Variants in MYT1L observed in about 807,000 individuals in gnomAD.
The protein encoded by MYT1L is myelin transcription factor 1-like protein.
A neutral mutation model predicts 126.7 loss-of-function variants in MYT1L; 12 were observed. The observed-to-expected ratio is 0.09, with a 90% CI of 0.06 to 0.15. The LOEUF is 0.15. MYT1L is among the 10% of genes least tolerant of loss of function. The pLI, the probability that MYT1L is intolerant of heterozygous loss-of-function variation, is 1.00. For missense variants in MYT1L, 979 were observed against 1,585.2 expected, an observed-to-expected ratio of 0.62 and a Z score of 6.49; for synonymous variants, 541 against 604.2, an observed-to-expected ratio of 0.90 and a Z score of 1.53.
chr2:1,970,298 G>A (rs1203771142), intron 8 of MYT1L, among the ~76,000 whole-genome samples: 2 of 152,136 alleles, frequency 1.3e-5, no homozygotes, highest in Non-Finnish European at 2.9e-5. Context: ...GGGTCCCAGC[G>A]ATGCTCATGA....
At chr2:2,154,033 C>T (rs1449787405) in intron 3 of MYT1L, among the ~76,000 whole-genome samples, 1 of 152,046 alleles carries the variant, frequency 6.6e-6, no homozygotes, top group Non-Finnish European at 1.5e-5. Context: ...AGGTGCTGCC[C>T]GAGGGGCTGG....
chr2:2,190,315 G>C (rs188730893), intron 2 of MYT1L, among the ~76,000 whole-genome samples: 2 of 151,954 alleles, frequency 1.3e-5, no homozygotes, highest in Admixed American at 6.6e-5. Flanking sequence ...AAATTAGCCA[G>C]GCAGTGGCAC....
chr2:1,934,202 C>G (rs1360764145), intron 9 of MYT1L, among the ~76,000 whole-genome samples: 4 of 151,042 alleles, frequency 2.6e-5, no homozygotes, highest in African/African-American at 9.7e-5. Flanking sequence ...TCTCGATCTC[C>G]TGACCTCGTG....
At chr2:1,930,385 C>T (rs1369940778) in intron 9 of MYT1L, among the ~76,000 whole-genome samples, 1 of 152,196 alleles carries the variant, frequency 6.6e-6, no homozygotes, top group Non-Finnish European at 1.5e-5. Flanking sequence ...AACTCATTTG[C>T]CTCTTTTGCT....
At chr2:2,185,195 A>G (rs1340001862) in intron 2 of MYT1L, among the ~76,000 whole-genome samples, 1 of 152,234 alleles carries the variant, frequency 6.6e-6, no homozygotes, top group African/African-American at 2.4e-5. Flanking sequence ...AAAGGCCTAG[A>G]CTTAAAAATA....
At chr2:2,299,885 A>G (rs573117124) in intron 1 of MYT1L, among the ~76,000 whole-genome samples, 3 of 152,322 alleles carry the variant, frequency 2.0e-5, no homozygotes, top group South Asian at 2.1e-4. Context: ...GCACTAGATC[A>G]TCTTCCGGCA....
intron 3 of MYT1L, among the ~76,000 whole-genome samples, chr2:2,058,885 C>T (rs1282122954): frequency 6.6e-6 from 1 of 152,172 alleles, no homozygotes; most frequent in Non-Finnish European, 1.5e-5. Flanking sequence ...TAGTATGTTT[C>T]TGCCCAGGAT....
At chr2:1,938,809 A>G (rs1228966942) in intron 9 of MYT1L, among the ~76,000 whole-genome samples, 1 of 152,234 alleles carries the variant, frequency 6.6e-6, no homozygotes, top group Non-Finnish European at 1.5e-5. Flanking sequence ...CATTATTAGG[A>G]CTATTTTGAT....
chr2:1,964,293 A>G (rs1402353988), intron 8 of MYT1L, among the ~76,000 whole-genome samples: 3 of 152,200 alleles, frequency 2.0e-5, no homozygotes, highest in Non-Finnish European at 4.4e-5. Flanking sequence ...ACCATCAAAG[A>G]TTACTGACCA....
intron 2 of MYT1L, among the ~76,000 whole-genome samples, chr2:2,199,858 G>A (rs1023946364): frequency 2.0e-5 from 3 of 152,116 alleles, no homozygotes; most frequent in Non-Finnish European, 2.9e-5. Context: ...TACCCCTCAC[G>A]GAGGCAGGCA....
chr2:2,116,159 A>C (rs546776345), intron 3 of MYT1L, among the ~76,000 whole-genome samples: 10 of 152,356 alleles, frequency 6.6e-5, no homozygotes, highest in African/African-American at 2.4e-4. Context: ...TAGGCACAAA[A>C]CCACGAGGAA....
intron 1 of MYT1L, among the ~76,000 whole-genome samples, chr2:2,286,509 A>T (rs1414747851): frequency 2.0e-5 from 3 of 152,250 alleles, no homozygotes; most frequent in Non-Finnish European, 2.9e-5. Flanking sequence ...AACAAATTGA[A>T]AAAAAGAAAA....
intron 3 of MYT1L, among the ~76,000 whole-genome samples, chr2:2,150,107 G>A (rs1278475801): frequency 6.6e-6 from 1 of 152,144 alleles, no homozygotes; most frequent in Non-Finnish European, 1.5e-5. Flanking sequence ...TTGTCTTAGA[G>A]TCAGCCTCCA....
intron 4 of MYT1L, among the ~76,000 whole-genome samples, chr2:2,005,772 CTTCTTTCCTGTGTGCG>C (rs1056412311): frequency 1.0e-4 from 14 of 136,646 alleles, no homozygotes; most frequent in African/African-American, 3.1e-4. Flanking sequence ...TCCTGCGTGC[CTTCTTTCCTGTGTGCG>C]TTCTTTCCTG....
At chr2:1,875,011 T>C (rs1366215180) in intron 18 of MYT1L, among the ~76,000 whole-genome samples, 1 of 152,188 alleles carries the variant, frequency 6.6e-6, no homozygotes, top group Non-Finnish European at 1.5e-5. Context: ...CAGAGCTGTT[T>C]GGTGCAGATA....
chr2:1,954,688 C>A (rs2058185559), intron 8 of MYT1L, among the ~76,000 whole-genome samples: 1 of 152,034 alleles, frequency 6.6e-6, no homozygotes, highest in African/African-American at 2.4e-5. Flanking sequence ...TTTCCAGGGA[C>A]CCCTGAAGTT....
rs2096249610 is a variant in MYT1L at position 2,326,672 on chromosome 2, ACTCTTT to A, written c.-521+4289_-521+4294del. ...ACAGCCTAATACAGCAATGCTTATC[ACTCTTT>A]CTCTATCTAATAAATAAGCATTCAT... On this transcript the variant is annotated intron_variant, in intron 1 of 24. Coordinates refer to ENST00000647738, the MANE Select transcript of MYT1L (RefSeq NM_001303052.2). 4 of 151,996 alleles carry A rather than the reference ACTCTTT, an allele frequency of 2.6e-5. No individual in the cohort carries two copies. In the South Asian group the frequency reaches 8.3e-4, roughly 32 times the overall value. The allele number at this position is 151,996 out of a possible 1,614,324, so 9.4% of individuals were successfully genotyped here.
At position 2,159,737 on chromosome 2, in the gene MYT1L, C is replaced by T. The variant is rs138596078; in HGVS notation, c.-304+13135G>A. ...TGGCCATTAAAGCCCTCGCAGCCTT[C>T]GGCCCAGATAACCAAGCAGATGACC... On this transcript the variant is annotated intron_variant, in intron 3 of 24. Transcript: ENST00000647738. Among the ~76,000 whole-genome samples the T allele has an allele frequency of 2.0e-4, 31 of 152,140 alleles. 2 individuals carry two copies. Among genetic ancestry groups the T allele is most frequent in the African/African-American group, 6.7e-4 (28 of 41,508 alleles).
intron 5 of MYT1L, among the ~76,000 whole-genome samples, chr2:1,980,062 C>G (rs1211489958): frequency 1.3e-5 from 2 of 151,974 alleles, no homozygotes; most frequent in East Asian, 1.9e-4. Context: ...TCTATTTACT[C>G]TCTTTTCAAG....
Sources: allele counts gnomAD v4.1 joint callset (sites outside exome capture counted in the v4.1 genomes callset), GRCh38; gene constraint gnomAD v4.1.1; transcripts MANE v1.5; gene names NCBI Gene and HGNC (gene_info 2026-07-23, HGNC 2026-07-21).